The following OGG1 variants were observed in gnomAD, a reference collection of about 807,000 sequenced individuals.
The protein encoded by OGG1 is N-glycosylase/DNA lyase.
In OGG1, 35 loss-of-function variants were observed where a neutral mutation model predicts 42.3. That is an observed-to-expected ratio of 0.83 (90% confidence interval 0.63 to 1.10). The LOEUF is 1.10. OGG1 is among the 50% of genes least tolerant of loss of function. The pLI, the probability that OGG1 is intolerant of heterozygous loss-of-function variation, is 0.00. For synonymous variants in OGG1, 189 were observed against 179.0 expected, an observed-to-expected ratio of 1.06 and a Z score of -0.44; for missense variants, 484 against 446.7, an observed-to-expected ratio of 1.08 and a Z score of -0.75.
chr3:9,769,385 G>A (rs1375724895), downstream of OGG1, among the ~76,000 whole-genome samples: 1 of 151,844 alleles, frequency 6.6e-6, no homozygotes, highest in African/African-American at 2.4e-5. Flanking sequence ...GTACACAATT[G>A]TACACCCCCT....
At chr3:9,757,617 C>T (rs867535337), downstream of OGG1, 11 of 1,614,054 alleles carry the variant, frequency 6.8e-6, no homozygotes, top group African/African-American at 4.0e-5. The surrounding 1 kb of genome is among the most constrained non-coding windows in gnomAD (Gnocchi z 4.5). Flanking sequence ...AGCCAGCTGC[C>T]GGCCCTGCAT....
At chr3:9,752,074 G>T (rs1046310685) in intron 3 of OGG1, 125 bp downstream of exon 3, 5 of 863,820 alleles carry the variant, frequency 5.8e-6, no homozygotes, top group Non-Finnish European at 9.3e-6. Context: ...GAACCGCCCT[G>T]CCTGGTCTGA....
At chr3:9,780,936 C>T (rs1466190696) in intron 2 of OGG1, among the ~76,000 whole-genome samples, 4 of 151,984 alleles carry the variant, frequency 2.6e-5, no homozygotes, top group African/African-American at 4.8e-5. Flanking sequence ...CCCAGGAGTT[C>T]GAGACCAGTC....
intron 3 of OGG1, among the ~76,000 whole-genome samples, chr3:9,753,570 C>T (rs2077405575): frequency 6.7e-6 from 1 of 149,072 alleles, no homozygotes; most frequent in African/African-American, 2.5e-5. Flanking sequence ...AGGAGAATGG[C>T]GTGAACCCGG....
downstream of OGG1, chr3:9,761,384 G>A: frequency 6.9e-7 from 1 of 1,450,604 alleles, no homozygotes; most frequent in South Asian, 1.3e-5. Flanking sequence ...CAGAGGGAGA[G>A]CAGAGGAAGG....
At chr3:9,774,977 G>C (rs62245638) in intron 2 of OGG1, among the ~76,000 whole-genome samples, 1 of 144,960 alleles carries the variant, frequency 6.9e-6, no homozygotes, top group Admixed American at 7.0e-5. Context: ...TTTTTTTTTG[G>C]CTGGGCTCAT....
intron 4 of OGG1, among the ~76,000 whole-genome samples, chr3:9,756,128 C>T (rs2077540521): frequency 6.6e-6 from 1 of 152,056 alleles, no homozygotes; most frequent in South Asian, 2.1e-4. Flanking sequence ...ACCAGGCTGG[C>T]CAACATGGTG....
chr3:9,773,384 A>G (rs1047240746), intron 2 of OGG1, among the ~76,000 whole-genome samples: 3 of 151,920 alleles, frequency 2.0e-5, no homozygotes, highest in Non-Finnish European at 2.9e-5. Flanking sequence ...TACTAAAGAT[A>G]CAAAAAATTA....
downstream of OGG1, chr3:9,789,879 G>A: frequency 6.2e-7 from 1 of 1,614,230 alleles, no homozygotes; most frequent in South Asian, 1.1e-5. Context: ...GGCTTCCCAT[G>A]TTTGGGGGGA....
At chr3:9,751,740 T>A in intron 2 of OGG1, 30 bp from the exon 3 acceptor site, 2 of 1,609,746 alleles carry the variant, frequency 1.2e-6, no homozygotes, top group Non-Finnish European at 1.7e-6. Context: ...AGCAGGTACC[T>A]CTCCTACCCC....
At chr3:9,788,869 T>C (rs2078676662), downstream of OGG1, among the ~76,000 whole-genome samples, 1 of 150,864 alleles carries the variant, frequency 6.6e-6, no homozygotes, top group Non-Finnish European at 1.5e-5. Flanking sequence ...GGAGTCTTGC[T>C]CTGTTGCCCA....
chr3:9,752,123 A>G, intron 3 of OGG1, 174 bp downstream of exon 3: 3 of 634,702 alleles, frequency 4.7e-6, no homozygotes, highest in South Asian at 3.7e-5. Flanking sequence ...CATCCCTAAA[A>G]TGTCAGCACC....
downstream of OGG1, among the ~76,000 whole-genome samples, chr3:9,790,568 C>G (rs932353076): frequency 2.6e-5 from 4 of 152,198 alleles, no homozygotes; most frequent in African/African-American, 9.7e-5. Context: ...TTAACCATCT[C>G]TATTTTGCAG....
chr3:9,760,679 T>G, downstream of OGG1: 1 of 1,613,972 alleles, frequency 6.2e-7, no homozygotes. Context: ...GTCGTCCCAG[T>G]AAGGAGAGTC....
intron 3 of OGG1, chr3:9,784,126 C>T: frequency 6.2e-7 from 1 of 1,614,172 alleles, no homozygotes; most frequent in South Asian, 1.1e-5. Context: ...CCTCGGAGTC[C>T]TCTGCGGGGC....
intron 2 of OGG1, among the ~76,000 whole-genome samples, chr3:9,777,869 G>A (rs1351784829): frequency 6.6e-6 from 1 of 152,166 alleles, no homozygotes; most frequent in Non-Finnish European, 1.5e-5. Flanking sequence ...GAGGAGGGGG[G>A]TCTTCAAGCA....
chr3:9,781,078 T>C (rs1313739441), intron 2 of OGG1, among the ~76,000 whole-genome samples: 1 of 151,884 alleles, frequency 6.6e-6, no homozygotes, highest in Non-Finnish European at 1.5e-5. Context: ...TACAGTGAAC[T>C]ATGATCATGC....
In OGG1 at chr3:9,756,574, C is replaced by T; in HGVS notation, c.851C>T (p.Thr284Ile). 6.2e-7 allele frequency: 1 copy of T among 1,614,180 alleles called. No homozygotes were observed. ...CAACGTGACTACAGCTGGCACCCTA[C>T]CACGTCCCAGGCGAAGGGACCGAGC... ...IAQRDYSWHPTTSQAKGPSPQ... is the reference protein window; with the variant it reads ...IAQRDYSWHPITSQAKGPSPQ... Residue 284 changes from threonine to isoleucine, a missense_variant, in exon 5 of 7, where the codon ACC becomes ATC. By Grantham distance (89) the Thr-to-Ile change is moderately conservative. Coordinates refer to ENST00000344629, the MANE Select transcript of OGG1 (RefSeq NM_002542.6).
At chr3:9,765,509 T>G (rs372692702) in intron 7 of OGG1, among the ~76,000 whole-genome samples, 1 of 152,196 alleles carries the variant, frequency 6.6e-6, no homozygotes. Context: ...TACACCTGAT[T>G]GAACAGTTAA....
Sources: allele counts gnomAD v4.1 joint callset (sites outside exome capture counted in the v4.1 genomes callset), GRCh38; gene constraint gnomAD v4.1.1; non-coding constraint Gnocchi (gnomAD v3.1); transcripts MANE v1.5; gene names NCBI Gene and HGNC (gene_info 2026-07-23, HGNC 2026-07-21).